AACS: variants seen among roughly 807,000 people sequenced by gnomAD.
AACS encodes acetoacetyl-CoA synthetase.
A neutral mutation model predicts 83.1 loss-of-function variants in AACS; 69 were observed. The ratio of observed to expected loss-of-function variants is 0.83; its 90% CI spans 0.68 to 1.01. The LOEUF is 1.01. Among genes scored for constraint, AACS ranks in the 50% least tolerant of loss-of-function variants. The probability of loss-of-function intolerance (pLI) is 0.00; values close to 1 mark genes in which losing one functional copy is unlikely to be tolerated. For missense variants in AACS, 866 were observed against 882.2 expected (o/e 0.98, Z 0.23); for synonymous variants, 333 against 343.4 (o/e 0.97, Z 0.33).
intron 3 of AACS, among the ~76,000 whole-genome samples, chr12:125,083,919 G>A (rs1267470987): frequency 6.6e-6 from 1 of 152,100 alleles, no homozygotes; most frequent in Admixed American, 6.6e-5. Flanking sequence ...CTCCCAAAGT[G>A]CTGGGATTAC....
rs183448228 is a variant in AACS at position 125,130,353 on chromosome 12, C to T, written c.1549+893C>T. Among the ~76,000 whole-genome samples the T allele has an allele frequency of 2.6e-5, 4 of 152,388 alleles. No homozygotes were observed. The highest frequency in any genetic ancestry group is 1.3e-4 in the Admixed American group (2 of 15,310). On this transcript the variant is annotated intron_variant, in intron 14 of 17. Coordinates refer to ENST00000316519, the MANE Select transcript of AACS (RefSeq NM_023928.5). The surrounding 1 kb of genome is among the most constrained non-coding windows in gnomAD (Gnocchi z 4.9). ...AGCCTCCACTGCATACCTGCTGCAC[C>T]TATGCCCCACCTTGGCTCCTGCCGT...
intron 15 of AACS, among the ~76,000 whole-genome samples, chr12:125,134,453 A>C (rs1957371650): frequency 6.6e-6 from 1 of 151,960 alleles, no homozygotes. Context: ...TCTGGGCGTG[A>C]TCCAAGTCTC....
At chr12:125,091,288 G>A (rs555966312) in intron 4 of AACS, 138 bp from the exon 5 acceptor site, 5 of 760,858 alleles carry the variant, frequency 6.6e-6, no homozygotes, top group Admixed American at 4.2e-5. Context: ...CTGGGCGGGG[G>A]CTGGTGGTCA....
At chr12:125,123,842 G>A (rs1957197461) in intron 10 of AACS, 1 of 152,370 alleles carries the variant, frequency 6.6e-6, no homozygotes, top group East Asian at 1.9e-4. Flanking sequence ...AGCTGAGGAA[G>A]GAAATAGCAT....
chr12:125,078,820 C>CAAAAAA (rs71092270), intron 3 of AACS, among the ~76,000 whole-genome samples: 6 of 52,044 alleles, frequency 1.2e-4, no homozygotes, highest in African/African-American at 1.9e-4. Context: ...GACTCCGTCT[C>CAAAAAA]AAAAAAAAAA....
intron 8 of AACS, among the ~76,000 whole-genome samples, chr12:125,110,432 CT>C (rs987122438): frequency 1.7e-4 from 26 of 152,260 alleles, no homozygotes; most frequent in African/African-American, 5.8e-4. Context: ...TCTTCTGCCC[CT>C]GGGCTTCCTG....
intron 14 of AACS, among the ~76,000 whole-genome samples, chr12:125,132,975 C>T (rs1020376731): frequency 2.6e-5 from 4 of 152,196 alleles, no homozygotes; most frequent in African/African-American, 7.2e-5. Context: ...CTGAGGCTGC[C>T]GCCCGTCAGT....
At chr12:125,098,678 C>T (rs554712062) in intron 5 of AACS, among the ~76,000 whole-genome samples, 1 of 152,338 alleles carries the variant, frequency 6.6e-6, no homozygotes, top group East Asian at 1.9e-4. Flanking sequence ...TCTTGAACTC[C>T]TGATCCTCAA....
chr12:125,115,029 G>A (rs12301167), intron 9 of AACS, among the ~76,000 whole-genome samples: 3,215 of 152,274 alleles, frequency 0.021, 110 homozygotes, highest in African/African-American at 0.072. Context: ...GCACGGTGTC[G>A]AGTTGGGCCC....
At chr12:125,134,944 C>G in intron 16 of AACS, 92 bp downstream of exon 16, 1 of 1,440,064 alleles carries the variant, frequency 6.9e-7, no homozygotes, top group Admixed American at 1.8e-5. Flanking sequence ...TGGCACAACT[C>G]TGGCCCCTTG....
In AACS at chr12:125,129,354, G is replaced by A. The variant is rs756230618; in HGVS notation, c.1443G>A (p.Glu481=). 1.2e-6 allele frequency: 2 copies of A among 1,613,654 alleles called. No homozygotes were observed. The highest frequency in any genetic ancestry group is 3.3e-5 in the Admixed American group (2 of 59,950). Residue 481 remains glutamate (E), a synonymous_variant, in exon 14 of 18, where the codon GAG becomes GAA. Transcript: ENST00000316519. The surrounding 1 kb of genome is among the most constrained non-coding windows in gnomAD (Gnocchi z 4.3). ...WNEEGKAVWG[E]SGELVCTKPI... ...TACCAGGAAAGGCGGTCTGGGGAGA[G>A]AGCGGCGAGCTGGTGTGTACTAAGC...
At chr12:125,107,824 G>C (rs1440443310) in intron 8 of AACS, among the ~76,000 whole-genome samples, 1 of 152,106 alleles carries the variant, frequency 6.6e-6, no homozygotes, top group Non-Finnish European at 1.5e-5. Flanking sequence ...TTAACTGGAC[G>C]TGGTGGCACA....
chr12:125,107,961 A>AAAAAAT (rs1209151019), intron 8 of AACS, among the ~76,000 whole-genome samples: 3 of 152,166 alleles, frequency 2.0e-5, no homozygotes, highest in Non-Finnish European at 4.4e-5. Flanking sequence ...ACTCTGTCTC[A>AAAAAAT]AAAAATAAAA....
At chr12:125,085,290 G>A (rs752158689) in intron 3 of AACS, among the ~76,000 whole-genome samples, 24 of 152,240 alleles carry the variant, frequency 1.6e-4, no homozygotes, top group Non-Finnish European at 2.4e-4. Flanking sequence ...CCACGCACAC[G>A]CATGTTGCAT....
At chr12:125,080,630 C>T (rs1267616710) in intron 3 of AACS, among the ~76,000 whole-genome samples, 7 of 2,868 alleles carry the variant, frequency 2.4e-3, no homozygotes, top group Admixed American at 6.5e-3. Flanking sequence ...TTCACTCCCA[C>T]CATCTCTTCT....
At chr12:125,067,476 A>G (rs1043923884) in intron 1 of AACS, among the ~76,000 whole-genome samples, 2 of 151,910 alleles carry the variant, frequency 1.3e-5, no homozygotes, top group South Asian at 2.1e-4. Flanking sequence ...GCCCTATTAG[A>G]TGGGTGAAAC....
At position 125,129,170 on chromosome 12, in the gene AACS, G is replaced by A. The variant is rs536747686; in HGVS notation, c.1424-165G>A. The stretch of plus-strand genomic sequence containing the variant: ...GGAGGGGACTTCATCTGGGAGGAAC[G>A]CATTATTAGGCTGCTGTGACAGGTG... On this transcript the variant is annotated intron_variant, in intron 13 of 17. Transcript: ENST00000316519. The surrounding 1 kb of genome is among the most constrained non-coding windows in gnomAD (Gnocchi z 4.3). 9.6e-5 allele frequency: 88 copies of A among 914,066 alleles called. No individual in the cohort carries two copies. The highest frequency in any genetic ancestry group is 1.3e-4 in the Non-Finnish European group (84 of 658,722). 56.6% of individuals were successfully genotyped at this position (914,066 alleles called of 1,614,324 possible).
chr12:125,096,584 T>C (rs1956613429), intron 5 of AACS, among the ~76,000 whole-genome samples: 1 of 152,144 alleles, frequency 6.6e-6, no homozygotes, highest in South Asian at 2.1e-4. Context: ...AGGGATACCT[T>C]GTCCAGGGCC....
chr12:125,086,532 G>T, intron 4 of AACS, 89 bp downstream of exon 4: 1 of 1,194,318 alleles, frequency 8.4e-7, no homozygotes, highest in South Asian at 1.3e-5. Flanking sequence ...TCAAATAAGG[G>T]GGAGTCATGT....
Sources: allele counts gnomAD v4.1 joint callset (sites outside exome capture counted in the v4.1 genomes callset), GRCh38; gene constraint gnomAD v4.1.1; non-coding constraint Gnocchi (gnomAD v3.1); transcripts MANE v1.5; gene names NCBI Gene and HGNC (gene_info 2026-07-23, HGNC 2026-07-21).